The following TET1 variants were observed in gnomAD, a reference collection of about 807,000 sequenced individuals.
The protein encoded by TET1 is tet methylcytosine dioxygenase 1, also known as methylcytosine dioxygenase TET1.
Under a neutral mutation model 148.7 loss-of-function variants are expected in TET1, and 13 were observed. That is an observed-to-expected ratio of 0.09 (90% CI 0.06 to 0.14). The LOEUF is 0.14. TET1 is among the 10% of genes least tolerant of loss of function. The pLI is 1.00. For missense variants in TET1, 2,182 were observed against 2,553.8 expected (o/e 0.85, Z 3.14); for synonymous variants, 907 against 937.2 (o/e 0.97, Z 0.59).
intron 2 of TET1, among the ~76,000 whole-genome samples, chr10:68,579,600 A>C (rs1478064202): frequency 2.0e-5 from 3 of 152,234 alleles, no homozygotes; most frequent in Non-Finnish European, 2.9e-5. Context: ...CTTCTGAAAA[A>C]CATGATTCTC....
intron 1 of TET1, among the ~76,000 whole-genome samples, chr10:68,569,372 C>G (rs1178697469): frequency 6.6e-6 from 1 of 151,806 alleles, no homozygotes; most frequent in African/African-American, 2.4e-5. Context: ...GATGGGGTTT[C>G]ACCGTGTTAG....
At chr10:68,650,139 G>A (rs1051970477) in intron 4 of TET1, among the ~76,000 whole-genome samples, 1 of 152,084 alleles carries the variant, frequency 6.6e-6, no homozygotes, top group African/African-American at 2.4e-5. Context: ...GAGCTGTCCT[G>A]TGCATTGTGG....
intron 3 of TET1, among the ~76,000 whole-genome samples, chr10:68,631,177 A>AAAAAC: frequency 6.6e-6 from 1 of 152,356 alleles, no homozygotes. Flanking sequence ...CTTTGTCACA[A>AAAAAC]AAAACAAAAC....
In TET1 at chr10:68,573,952, TAGCAAATCAGACA is replaced by T; in HGVS notation, c.1615_1627del (p.Ser539GlufsTer8). 2 of 1,614,166 alleles carry T rather than the reference TAGCAAATCAGACA, an allele frequency of 1.2e-6. No individual in the cohort carries two copies. The highest frequency in any genetic ancestry group is 1.7e-6 in the Non-Finnish European group (2 of 1,180,034). ...TAGCCCAACTCTCTCAGGCTGGTCC[TAGCAAATCAGACA>T]GAGGGAGCTCCCAGGTCAGTGTAAC... On this transcript the variant is annotated frameshift_variant, in exon 2 of 12. Transcript: ENST00000373644. LOFTEE classifies it high-confidence loss of function.
chr10:68,678,875 A>C (rs2055399215), intron 8 of TET1, among the ~76,000 whole-genome samples: 1 of 152,040 alleles, frequency 6.6e-6, no homozygotes, highest in Admixed American at 6.6e-5. Flanking sequence ...AGCCTGTAAT[A>C]GTAAAATAAT....
rs768429010 is a variant in TET1, at chr10:68,573,013, A to G, written c.675A>G (p.Glu225=). The G allele has an allele frequency of 1.4e-5, 23 of 1,614,070 alleles. No individual in the cohort carries two copies. Among genetic ancestry groups the G allele is most frequent in the Non-Finnish European group, 1.9e-5 (23 of 1,180,052 alleles). ...PGPLEGTRCG[E]GLFSEETLND... ...CACTGGAAGGGACACGCTGTGGTGA[A>G]GGACTATTCTCTGAAGAGACATTGA... Residue 225 remains glutamate (E), a synonymous_variant, in exon 2 of 12, where the codon GAA becomes GAG. Coordinates refer to ENST00000373644, the MANE Select transcript of TET1 (RefSeq NM_030625.3).
chr10:68,612,807 G>A lies in TET1; in HGVS notation c.1968+11773G>A, dbSNP rs1369454660. Among the ~76,000 whole-genome samples the A allele has an allele frequency of 5.3e-5, 8 of 151,918 alleles. No homozygotes were observed. In the East Asian group the frequency reaches 1.2e-3, roughly 22 times the overall value. ...TAATTTTTGTGTTTTTCATAGAGAC[G>A]GGTTTACAGCATGTTGCCCAGGCTG... On this transcript the variant is annotated intron_variant, in intron 3 of 11. Coordinates refer to ENST00000373644, the MANE Select transcript of TET1 (RefSeq NM_030625.3).
chr10:68,655,839 T>C (rs1424626512), intron 6 of TET1, among the ~76,000 whole-genome samples: 1 of 152,120 alleles, frequency 6.6e-6, no homozygotes, highest in Non-Finnish European at 1.5e-5. Flanking sequence ...CATGGGCCAA[T>C]AGGAACCTGA....
chr10:68,669,052 C>T (rs1020257068), intron 7 of TET1, among the ~76,000 whole-genome samples: 1 of 151,758 alleles, frequency 6.6e-6, no homozygotes, highest in African/African-American at 2.4e-5. Flanking sequence ...AGGAGGATTT[C>T]TTGAAACCAA....
chr10:68,643,933 C>T (rs2054800122), intron 3 of TET1, among the ~76,000 whole-genome samples: 1 of 151,834 alleles, frequency 6.6e-6, no homozygotes, highest in South Asian at 2.1e-4. Context: ...GAGACAGAGT[C>T]TCACTCAGTC....
At chr10:68,605,824 T>C (rs2054116251) in intron 3 of TET1, among the ~76,000 whole-genome samples, 1 of 152,216 alleles carries the variant, frequency 6.6e-6, no homozygotes, top group African/African-American at 2.4e-5. Flanking sequence ...CCATAAATTA[T>C]TTTTATATAT....
chr10:68,575,485 G>A (rs1393935716), intron 2 of TET1, among the ~76,000 whole-genome samples: 3 of 149,942 alleles, frequency 2.0e-5, no homozygotes, highest in Non-Finnish European at 4.4e-5. Context: ...CCAAGGTGGC[G>A]GATCACTTGA....
At chr10:68,597,030 A>T (rs1386771126) in intron 2 of TET1, among the ~76,000 whole-genome samples, 53 of 98,854 alleles carry the variant, frequency 5.4e-4, no homozygotes, top group African/African-American at 8.9e-4. Flanking sequence ...CAGCTAATGG[A>T]TTTTTTTTTT....
At chr10:68,619,332 C>T (rs1429778076) in intron 3 of TET1, among the ~76,000 whole-genome samples, 1 of 152,094 alleles carries the variant, frequency 6.6e-6, no homozygotes, top group African/African-American at 2.4e-5. Context: ...CGGGCTCAAG[C>T]GATCCTCCCA....
At chr10:68,585,735 G>A (rs1416432348) in intron 2 of TET1, among the ~76,000 whole-genome samples, 6 of 151,956 alleles carry the variant, frequency 3.9e-5, no homozygotes, top group Admixed American at 3.3e-4. Context: ...TTTGGGCCGG[G>A]CACGGTGGCG....
chr10:68,591,133 G>C (rs2053914532), intron 2 of TET1, among the ~76,000 whole-genome samples: 1 of 152,196 alleles, frequency 6.6e-6, no homozygotes, highest in Admixed American at 6.5e-5. Flanking sequence ...GGGATTACAG[G>C]CATGAGCCAC....
intron 10 of TET1, 138 bp downstream of exon 10, chr10:68,683,111 G>GA: frequency 4.2e-6 from 4 of 963,128 alleles, no homozygotes; most frequent in South Asian, 3.9e-5. Flanking sequence ...AAAATAAAGT[G>GA]AAAAAAAAGA....
intron 6 of TET1, among the ~76,000 whole-genome samples, chr10:68,663,175 C>T (rs1050675769): frequency 6.6e-6 from 1 of 152,264 alleles, no homozygotes; most frequent in Non-Finnish European, 1.5e-5. Context: ...TGACATGATG[C>T]TCATTTACCC....
At position 68,585,549 on chromosome 10, in the gene TET1, G is replaced by C. The variant is rs141541661; in HGVS notation, c.1914+11297G>C. On this transcript the variant is annotated intron_variant, in intron 2 of 11. Transcript: ENST00000373644. ...CATCAGAGGTTCTTACTCTGGGTAG[G>C]CTTCAATGGTCTGTGATCCCACCCC... Among the ~76,000 whole-genome samples, 343 of 152,176 alleles carry C rather than the reference G, an allele frequency of 2.3e-3. 6 individuals carry two copies. The East Asian group carries it at 0.045, about 20-fold the overall frequency.
Sources: gnomAD v4.1 joint callset for allele counts (sites outside exome capture counted in the v4.1 genomes callset) on GRCh38, gnomAD v4.1.1 for gene constraint, MANE v1.5 for transcripts, NCBI Gene and HGNC (gene_info 2026-07-23, HGNC 2026-07-21) for gene names.